Variants in PXK observed in about 807,000 individuals in gnomAD.
PXK encodes PX domain containing serine/threonine kinase like.
In PXK, 35 loss-of-function variants were observed where a neutral mutation model predicts 84.7. The ratio of observed to expected loss-of-function variants is 0.41; its 90% CI spans 0.32 to 0.55. The LOEUF is 0.55. PXK is among the 20% of genes least tolerant of loss of function. The pLI is 0.21. For missense variants in PXK, 634 were observed against 699.7 expected, an observed-to-expected ratio of 0.91 and a Z score of 1.06; for synonymous variants, 253 against 260.8, an observed-to-expected ratio of 0.97 and a Z score of 0.29.
rs1368500185 is a variant in PXK, at chr3:58,364,900, A to C, written c.103-974A>C. 6.6e-6 allele frequency among the ~76,000 whole-genome samples: 1 copy of C among 152,056 alleles called. No homozygotes were observed. Among genetic ancestry groups the C allele is most frequent in the Non-Finnish European group, 1.5e-5 (1 of 68,016 alleles). ...GTAGTGGTATCCTAATTCATTCTTG[A>C]TATTAATAATACATGTCTTATCTTT... On this transcript the variant is annotated intron_variant, in intron 1 of 17. Coordinates refer to ENST00000356151, the MANE Select transcript of PXK (RefSeq NM_017771.5). This position sits in a 1 kb window ranked among gnomAD's most constrained non-coding sequence, Gnocchi z 4.3.
intron 4 of PXK, among the ~76,000 whole-genome samples, chr3:58,384,147 G>A (rs1313970474): frequency 6.6e-6 from 1 of 152,186 alleles, no homozygotes; most frequent in Non-Finnish European, 1.5e-5. Context: ...GAAAACCACA[G>A]CCCTTGAGGC....
Position 58,410,141 on chromosome 3 carries a change from A to G in PXK, c.1447A>G (p.Ser483Gly). ...ENSEEHSAKY[S>G]NSNNSAGSGA... ...TAGTGAAGAGCATTCAGCGAAGTAC[A>G]GCAACTCCAATAATTCAGGTAACTG... The change falls in exon 16 of 18, where the codon AGC (serine) becomes GGC (glycine). Residue 483 changes from serine (S) to glycine (G), a missense_variant. Around this residue, in one of 3 missense-constraint regions of PXK, gnomAD observed 273 missense variants for 283.6 expected, o/e 0.96. Transcript: ENST00000356151. The G allele has an allele frequency of 6.3e-7, 1 of 1,594,364 alleles. No homozygotes were observed. The highest frequency in any genetic ancestry group is 1.1e-5 in the South Asian group (1 of 90,716).
intron 12 of PXK, among the ~76,000 whole-genome samples, chr3:58,403,484 C>T (rs544953078): frequency 4.6e-5 from 7 of 152,306 alleles, no homozygotes; most frequent in Admixed American, 1.3e-4. Context: ...TTATCCTCTT[C>T]TGAGGCAAGA....
chr3:58,409,571 C>G lies in PXK; in HGVS notation c.1348C>G (p.His450Asp), dbSNP rs1284783548. The G allele has an allele frequency of 6.2e-7, 1 of 1,613,492 alleles. No homozygotes were observed. Among genetic ancestry groups the G allele is most frequent in the African/African-American group, 1.3e-5 (1 of 74,840 alleles). The change falls in exon 15 of 18, where the codon CAT becomes GAT. Residue 450 changes from histidine (H) to aspartate (D), a missense_variant. By Grantham distance (81) the His-to-Asp change is moderately conservative. This residue lies in a region of PXK where 273 missense variants were observed against 283.6 expected (regional missense o/e 0.96). Coordinates refer to ENST00000356151, the MANE Select transcript of PXK (RefSeq NM_017771.5). The surrounding 1 kb of genome is among the most constrained non-coding windows in gnomAD (Gnocchi z 4.2). ...HRRLTRAQSH[H>D]GSEEERKKRK... ...AAGACTGACAAGAGCTCAGTCCCAC[C>G]ATGGATCTGAGGAGGAAAGAAAAAA... is the stretch of plus-strand genomic sequence containing the variant.
chr3:58,342,480 C>A (rs144262418), intron 1 of PXK, among the ~76,000 whole-genome samples: 1 of 151,726 alleles, frequency 6.6e-6, no homozygotes, highest in Non-Finnish European at 1.5e-5. Context: ...ACTAAAAATA[C>A]AAAGATTAGC....
rs2057813114 is a variant in PXK, at chr3:58,397,175, A to G, written c.959A>G (p.Tyr320Cys). Reference sequence around the variant, plus strand: ...GGCCTGCCTTCCTTCTACCGATCTTATTTTTCACAATTCAGGAAAATCAAT... The same window carrying G: ...GGCCTGCCTTCCTTCTACCGATCTTGTTTTTCACAATTCAGGAAAATCAAT... ...LLGLPSFYRS[Y>C]FSQFRKINTL... Residue 320 changes from tyrosine (Y) to cysteine (C), a missense_variant, in exon 10 of 18, where the codon TAT becomes TGT. By Grantham distance (194) the Tyr-to-Cys change is radical (BLOSUM62 -2). Coordinates refer to ENST00000356151, the MANE Select transcript of PXK (RefSeq NM_017771.5). The surrounding 1 kb of genome is among the most constrained non-coding windows in gnomAD (Gnocchi z 4.7). The G allele has an allele frequency of 3.7e-6, 6 of 1,614,020 alleles. No individual in the cohort carries two copies. Among genetic ancestry groups the G allele is most frequent in the Non-Finnish European group, 5.1e-6 (6 of 1,180,002 alleles).
Position 58,421,170 on chromosome 3 carries a change from AC to A in PXK, c.1529-3579del. 9 of 985,292 alleles carry A rather than the reference AC, an allele frequency of 9.1e-6. No homozygotes were observed. The highest frequency in any genetic ancestry group is 9.6e-6 in the Non-Finnish European group (8 of 829,890). The allele number at this position is 985,292 out of a possible 1,614,324, so 61.0% of individuals were successfully genotyped here. Reference sequence around the variant, plus strand: ...GAGGGTGGCTGGTAAGTCTGGTGTTACCCTAGTGTGGTCTCATGGCCACTTG... The same window carrying A: ...GAGGGTGGCTGGTAAGTCTGGTGTTACCTAGTGTGGTCTCATGGCCACTTG... On this transcript the variant is annotated intron_variant, in intron 17 of 17. Transcript: ENST00000356151. This position sits in a 1 kb window ranked among gnomAD's most constrained non-coding sequence, Gnocchi z 5.5.
chr3:58,421,738 T>A lies in PXK; in HGVS notation c.1529-3014T>A, dbSNP rs1394762317. On this transcript the variant is annotated intron_variant, in intron 17 of 17. Coordinates refer to ENST00000356151, the MANE Select transcript of PXK (RefSeq NM_017771.5). This position sits in a 1 kb window ranked among gnomAD's most constrained non-coding sequence, Gnocchi z 5.5. Reference sequence around the variant, plus strand: ...CCTCTGCTGGACTGCCAGGTTCCCGTGTGGTTTGGTGGAGAAGATTTTGGG... The same window carrying A: ...CCTCTGCTGGACTGCCAGGTTCCCGAGTGGTTTGGTGGAGAAGATTTTGGG... 2 of 985,164 alleles carry A rather than the reference T, an allele frequency of 2.0e-6. No homozygotes were observed. The highest frequency in any genetic ancestry group is 2.4e-6 in the Non-Finnish European group (2 of 829,914). 61.0% of individuals were successfully genotyped at this position (985,164 alleles called of 1,614,324 possible).
At chr3:58,393,946 G>A (rs997595822) in intron 7 of PXK, among the ~76,000 whole-genome samples, 1 of 151,972 alleles carries the variant, frequency 6.6e-6, no homozygotes, top group Non-Finnish European at 1.5e-5. Flanking sequence ...TTTCTTTTTG[G>A]GGTGATGAAA....
chr3:58,369,546 G>T (rs9867320), intron 3 of PXK, 68 bp downstream of exon 3: 97 of 1,334,390 alleles, frequency 7.3e-5, no homozygotes, highest in Non-Finnish European at 9.4e-5. Flanking sequence ...GGCTGGAGTC[G>T]GGGCACGGTG....
chr3:58,372,930 C>T (rs1462488608), intron 3 of PXK, among the ~76,000 whole-genome samples: 1 of 152,102 alleles, frequency 6.6e-6, no homozygotes, highest in Non-Finnish European at 1.5e-5. Flanking sequence ...TAGCAGCCAT[C>T]TAGGGAGACA....
intron 17 of PXK, among the ~76,000 whole-genome samples, chr3:58,420,230 A>G (rs1436698298): frequency 6.6e-6 from 1 of 152,244 alleles, no homozygotes; most frequent in Non-Finnish European, 1.5e-5. Flanking sequence ...ATGCTTGTAA[A>G]TAAATAAAAA....
intron 1 of PXK, among the ~76,000 whole-genome samples, chr3:58,346,067 G>C (rs1389664425): frequency 6.6e-6 from 1 of 152,202 alleles, no homozygotes; most frequent in Non-Finnish European, 1.5e-5. Context: ...TGGGGTACAG[G>C]TCTAAGCAAG....
At chr3:58,363,165 A>G (rs1355840486) in intron 1 of PXK, among the ~76,000 whole-genome samples, 1 of 152,182 alleles carries the variant, frequency 6.6e-6, no homozygotes, top group Admixed American at 6.5e-5. Context: ...AGTGGTTTGT[A>G]GTTTTCGACA....
At chr3:58,340,813 C>A (rs1314727858) in intron 1 of PXK, among the ~76,000 whole-genome samples, 1 of 151,824 alleles carries the variant, frequency 6.6e-6, no homozygotes, top group Non-Finnish European at 1.5e-5. Context: ...GTAGTGGTTT[C>A]TTTTTAGGCT....
At position 58,412,955 on chromosome 3, in the gene PXK, C is replaced by T. The variant is rs1165352309; in HGVS notation, c.1520C>T (p.Ser507Phe). 2.5e-6 allele frequency: 4 copies of T among 1,614,192 alleles called. No individual in the cohort carries two copies. The East Asian group carries it at 6.7e-5, about 27-fold the overall frequency. Residue 507 changes from serine (S) to phenylalanine (F), a missense_variant, in exon 17 of 18, where the codon TCT becomes TTT. Transcript: ENST00000356151. The surrounding 1 kb of genome is among the most constrained non-coding windows in gnomAD (Gnocchi z 6.2). ...TCCCCGTCATCGCCAACTCCACCCT[C>T]TACATCAGGTTAGTGATGGAGTAAA... Reference protein sequence around the residue: ...LTSPSSPTPPSTSGISALPPP... With the variant: ...LTSPSSPTPPFTSGISALPPP...
At chr3:58,349,010 A>G (rs762345831) in intron 1 of PXK, among the ~76,000 whole-genome samples, 21 of 152,164 alleles carry the variant, frequency 1.4e-4, no homozygotes, top group Non-Finnish European at 2.5e-4. Context: ...AATTGGGACT[A>G]GCCACATATC....
At chr3:58,359,444 T>C (rs1420911728) in intron 1 of PXK, among the ~76,000 whole-genome samples, 3 of 150,366 alleles carry the variant, frequency 2.0e-5, no homozygotes. Context: ...GGTGGGAGAA[T>C]CGCTTGAACT....
At chr3:58,353,539 A>G (rs538812483) in intron 1 of PXK, among the ~76,000 whole-genome samples, 59 of 152,348 alleles carry the variant, frequency 3.9e-4, no homozygotes, top group African/African-American at 1.3e-3. Flanking sequence ...ACAGTAAATA[A>G]TGACTACTTA....
Sources: gnomAD v4.1 joint callset for allele counts (sites outside exome capture counted in the v4.1 genomes callset) on GRCh38, gnomAD v4.1.1 for gene constraint, gnomAD v4.1.1 regional missense constraint, Gnocchi (gnomAD v3.1) non-coding constraint, MANE v1.5 for transcripts, NCBI Gene and HGNC (gene_info 2026-07-23, HGNC 2026-07-21) for gene names.